Variants in CSPP1 observed in about 807,000 individuals in gnomAD.
CSPP1 encodes centrosome and spindle pole-associated protein 1.
A neutral mutation model predicts 164.4 loss-of-function variants in CSPP1; 126 were observed. The ratio of observed to expected loss-of-function variants is 0.77; its 90% confidence interval spans 0.66 to 0.89. The LOEUF (loss-of-function observed/expected upper bound fraction) is 0.89. Among genes scored for constraint, CSPP1 ranks in the 40% least tolerant of loss-of-function variants. The pLI is 0.00. For missense variants in CSPP1, 1,395 were observed against 1,449.8 expected, an observed-to-expected ratio of 0.96 and a Z score of 0.61; for synonymous variants, 472 against 476.7, an observed-to-expected ratio of 0.99 and a Z score of 0.13.
At chr8:67,073,138 A>G (rs558312912) in intron 1 of CSPP1, among the ~76,000 whole-genome samples, 4 of 152,280 alleles carry the variant, frequency 2.6e-5, no homozygotes, top group East Asian at 3.9e-4. Context: ...TACAACCCAC[A>G]TACATTCTTA....
At chr8:67,157,203 A>C (rs1441861074) in intron 19 of CSPP1, among the ~76,000 whole-genome samples, 5 of 152,258 alleles carry the variant, frequency 3.3e-5, no homozygotes, top group Non-Finnish European at 5.9e-5. Flanking sequence ...AAAGTACTAA[A>C]TATTAGGCTT....
At chr8:67,148,296 T>A (rs1470359338) in intron 17 of CSPP1, among the ~76,000 whole-genome samples, 1 of 152,208 alleles carries the variant, frequency 6.6e-6, no homozygotes, top group African/African-American at 2.4e-5. Flanking sequence ...TTGAGAGCCA[T>A]TGACATGTGT....
At position 67,190,752 on chromosome 8, in the gene CSPP1, T is replaced by C; in HGVS notation, c.3323T>C (p.Leu1108Pro). The C allele has an allele frequency of 1.9e-6, 3 of 1,606,334 alleles. No individual in the cohort carries two copies. Among genetic ancestry groups the C allele is most frequent in the Non-Finnish European group, 2.6e-6 (3 of 1,172,866 alleles). Residue 1108 changes from leucine to proline, a missense_variant, in exon 29 of 31, where the codon CTA becomes CCA. By Grantham distance (98) the Leu-to-Pro change is moderately conservative (BLOSUM62 -3). Coordinates refer to ENST00000678616, the MANE Select transcript of CSPP1 (RefSeq NM_001382391.1). ...RERRRNKWKG[L>P]DIDSSRPNVA... is the part of the protein sequence containing the mutation. ...CGCAGGAGGAACAAATGGAAAGGAC[T>C]AGACATTGTATGTATGAGACTTTTC...
At position 67,195,396 on chromosome 8, in the gene CSPP1, C is replaced by CTGGT; in HGVS notation, c.3487_3490dup (p.Asp1164GlyfsTer2). The CTGGT allele has an allele frequency of 1.2e-6, 2 of 1,613,758 alleles. No individual in the cohort carries two copies. Among genetic ancestry groups the CTGGT allele is most frequent in the Non-Finnish European group, 1.7e-6 (2 of 1,179,706 alleles). ...GCCTCCTGTAGATGATGAGAGTTCA[C>CTGGT]TGGTTGACCCTGATGACATCATGAA... On this transcript the variant is annotated frameshift_variant, in exon 31 of 31. Coordinates refer to ENST00000678616, the MANE Select transcript of CSPP1 (RefSeq NM_001382391.1). LOFTEE classifies it high-confidence loss of function.
rs371566997 is a variant in CSPP1, at chr8:67,116,058, C to T, written c.1432C>T (p.Pro478Ser). 6.2e-7 allele frequency: 1 copy of T among 1,613,972 alleles called. No individual in the cohort carries two copies. Among genetic ancestry groups the T allele is most frequent in the Non-Finnish European group, 8.5e-7 (1 of 1,179,992 alleles). ...ACCCATCCCATCAGTTCATCCTGTT[C>T]CTTCTCAAAATGAAGATTTGCGCAG... Reference protein sequence around the residue: ...VPPIPSVHPVPSQNEDLRSGL... With the variant: ...VPPIPSVHPVSSQNEDLRSGL... The change falls in exon 13 of 31, where the codon CCT (proline) becomes TCT (serine). Residue 478 changes from proline (P) to serine (S), a missense_variant. Coordinates refer to ENST00000678616, the MANE Select transcript of CSPP1 (RefSeq NM_001382391.1).
At chr8:67,077,893 T>C (rs1808295528) in intron 3 of CSPP1, among the ~76,000 whole-genome samples, 1 of 152,146 alleles carries the variant, frequency 6.6e-6, no homozygotes. Flanking sequence ...GCCCTACTTT[T>C]AATATCAGAT....
intron 15 of CSPP1, among the ~76,000 whole-genome samples, chr8:67,130,799 C>T (rs1821076078): frequency 6.6e-6 from 1 of 150,424 alleles, no homozygotes; most frequent in Non-Finnish European, 1.5e-5. Flanking sequence ...ACCAGCCTGG[C>T]CAACATGGTG....
rs4634623 is a variant in CSPP1 at position 67,153,764 on chromosome 8, G to C, written c.2129-260G>C. Among the ~76,000 whole-genome samples the C allele has an allele frequency of 0.033, 5,055 of 151,776 alleles. 266 individuals are homozygous for C. Among genetic ancestry groups the C allele is most frequent in the African/African-American group, 0.11 (4,734 of 41,372 alleles). ...GCAATGAGGGTTGTTTAAGCTGTTA[G>C]CTTTTATGTTTCCTTTGTATCTTTC... On this transcript the variant is annotated intron_variant, in intron 18 of 30. Coordinates refer to ENST00000678616, the MANE Select transcript of CSPP1 (RefSeq NM_001382391.1).
chr8:67,091,323 A>G (rs997641818), intron 4 of CSPP1, among the ~76,000 whole-genome samples: 4 of 152,226 alleles, frequency 2.6e-5, no homozygotes, highest in African/African-American at 9.6e-5. Context: ...GAACACATAA[A>G]CAACATTCAT....
At chr8:67,095,758 A>G in intron 7 of CSPP1, 26 bp downstream of exon 7, 6 of 1,338,096 alleles carry the variant, frequency 4.5e-6, no homozygotes, top group Non-Finnish European at 6.2e-6. Context: ...TTTTTATTTT[A>G]TTTGCTTAAT....
intron 9 of CSPP1, 51 bp downstream of exon 9, chr8:67,106,026 C>T (rs1308098904): frequency 1.1e-6 from 1 of 920,546 alleles, no homozygotes; most frequent in Middle Eastern, 2.1e-4. Flanking sequence ...GTCTTATAAT[C>T]CTTTTTTAAG....
chr8:67,193,143 T>TA (rs533207250), intron 29 of CSPP1, among the ~76,000 whole-genome samples: 41 of 152,132 alleles, frequency 2.7e-4, no homozygotes, highest in Non-Finnish European at 4.3e-4. Context: ...TTTTTTGAGA[T>TA]AGAGTCTCTG....
intron 29 of CSPP1, among the ~76,000 whole-genome samples, chr8:67,190,993 CT>C: frequency 6.6e-6 from 1 of 152,300 alleles, no homozygotes; most frequent in African/African-American, 2.4e-5. Context: ...CTGTAAGTAG[CT>C]CCTCATCCCA....
chr8:67,163,146 TCACTTGATGA>T (rs1451496532), intron 22 of CSPP1, among the ~76,000 whole-genome samples: 1 of 151,648 alleles, frequency 6.6e-6, no homozygotes, highest in Non-Finnish European at 1.5e-5. Flanking sequence ...CACTTGGGGG[TCACTTGATGA>T]CTTTGGTGAA....
chr8:67,068,046 G>A (rs1486001735), intron 1 of CSPP1, among the ~76,000 whole-genome samples: 1 of 151,934 alleles, frequency 6.6e-6, no homozygotes, highest in Non-Finnish European at 1.5e-5. Context: ...GATGGGTTTT[G>A]CTGTGTTAGC....
rs1458652977 is a variant in CSPP1 at position 67,152,326 on chromosome 8, C to G, written c.2129-1698C>G. Among the ~76,000 whole-genome samples the G allele has an allele frequency of 2.6e-5, 4 of 152,010 alleles. No homozygotes were observed. In the East Asian group the frequency reaches 7.7e-4, roughly 29 times the overall value. On this transcript the variant is annotated intron_variant, in intron 18 of 30. Transcript: ENST00000678616. ...ATGTTACAACATGTGTTTAAGTTTC[C>G]TTATCCTCTAATATTTTATCTTCAT...
At chr8:67,072,873 A>AG (rs1330891995) in intron 1 of CSPP1, among the ~76,000 whole-genome samples, 49 of 148,680 alleles carry the variant, frequency 3.3e-4, no homozygotes, top group African/African-American at 1.1e-3. Flanking sequence ...CTGTCTCAAA[A>AG]AAAAAAAAAA....
chr8:67,153,982 G>T, intron 18 of CSPP1, 42 bp from the exon 19 acceptor site: 1 of 828,926 alleles, frequency 1.2e-6, no homozygotes. Context: ...AATTTTCTAA[G>T]CATTGGCTAA....
intron 7 of CSPP1, among the ~76,000 whole-genome samples, chr8:67,097,086 T>TA (rs1475971313): frequency 5.3e-5 from 8 of 152,226 alleles, no homozygotes; most frequent in Middle Eastern, 3.2e-3. Flanking sequence ...CTTGCCATAG[T>TA]TTAACCTAAC....
Sources: gnomAD v4.1 joint callset for allele counts (sites outside exome capture counted in the v4.1 genomes callset) on GRCh38, gnomAD v4.1.1 for gene constraint, MANE v1.5 for transcripts, NCBI Gene and HGNC (gene_info 2026-07-23, HGNC 2026-07-21) for gene names.